TEX15: variants seen among roughly 807,000 people sequenced by gnomAD.
TEX15 encodes the protein testis-expressed protein 15.
A neutral mutation model predicts 237.3 loss-of-function variants in TEX15; 171 were observed. That is an observed-to-expected ratio of 0.72 (90% CI 0.64 to 0.82). The LOEUF is 0.82. TEX15 is among the 40% of genes least tolerant of loss of function. The pLI is 0.00. For missense variants in TEX15, 3,750 were observed against 3,646.5 expected, an observed-to-expected ratio of 1.03 and a Z score of -0.73; for synonymous variants, 1,338 against 1,269.8, an observed-to-expected ratio of 1.05 and a Z score of -1.14.
intron 3 of TEX15, among the ~76,000 whole-genome samples, chr8:30,875,791 A>G (rs1808388315): frequency 6.6e-6 from 1 of 151,434 alleles, no homozygotes; most frequent in Non-Finnish European, 1.5e-5. Flanking sequence ...GGGTTAAGTT[A>G]CTGTGGGCAT....
At chr8:30,884,277 G>A (rs1489136858) in intron 3 of TEX15, among the ~76,000 whole-genome samples, 1 of 152,194 alleles carries the variant, frequency 6.6e-6, no homozygotes, top group Non-Finnish European at 1.5e-5. Flanking sequence ...GTGATGTTGA[G>A]CTTTTCTTGG....
At position 30,849,186 on chromosome 8, in the gene TEX15, T is replaced by G. The variant is rs140274916; in HGVS notation, c.981A>C (p.Ala327=). ...PFVQENCLCN[A]LNSEINPFIS... is the part of the protein sequence containing the mutation. ...TGAAAGGATTTATCTCTGAATTTAG[T>G]GCATTGCATAAACAGTTTTCTTGAA... Residue 327 remains alanine, a synonymous_variant, in exon 8 of 11, where the codon GCA becomes GCC. Coordinates refer to ENST00000643185, the MANE Select transcript of TEX15 (RefSeq NM_001350162.2). 1,940 of 1,539,820 alleles carry G rather than the reference T, an allele frequency of 1.3e-3. 21 individuals are homozygous for G. The African/African-American group carries it at 0.022, about 17-fold the overall frequency.
intron 3 of TEX15, among the ~76,000 whole-genome samples, chr8:30,879,938 TA>T (rs35862520): frequency 0.018 from 2,176 of 117,692 alleles, 33 homozygotes; most frequent in African/African-American, 0.066. Flanking sequence ...TTTTTTTTTT[TA>T]AAAAAAAAAA....
intron 2 of TEX15, among the ~76,000 whole-genome samples, chr8:30,893,924 A>G (rs1202473103): frequency 2.0e-5 from 3 of 151,936 alleles, no homozygotes; most frequent in African/African-American, 4.8e-5. Context: ...TCTTTTACCT[A>G]TGTTCAAATT....
chr8:30,901,693 A>G (rs1003599214), intron 1 of TEX15, among the ~76,000 whole-genome samples: 6 of 152,252 alleles, frequency 3.9e-5, no homozygotes, highest in African/African-American at 1.2e-4. Context: ...TGAAGTAATC[A>G]GTGTGGTAAG....
rs529693712 is a variant in TEX15 at position 30,896,889 on chromosome 8, T to C, written c.-10+1853A>G. Among the ~76,000 whole-genome samples the C allele has an allele frequency of 3.9e-5, 6 of 152,082 alleles. No individual in the cohort carries two copies. The South Asian group carries it at 8.3e-4, about 21-fold the overall frequency. ...TGAAGACTCTAAGACTGAAAGCAAT[T>C]TTTTCCCCCAATGCAAAAAAGTCTA... On this transcript the variant is annotated intron_variant, in intron 2 of 10. Transcript: ENST00000643185.
chr8:30,901,443 T>C (rs1259528661), intron 1 of TEX15, among the ~76,000 whole-genome samples: 4 of 152,208 alleles, frequency 2.6e-5, no homozygotes, highest in Non-Finnish European at 5.9e-5. Flanking sequence ...AATCTCTGTT[T>C]AAGGAGATGC....
At chr8:30,889,954 C>CATATATATATATATATACGTATAT in intron 2 of TEX15, among the ~76,000 whole-genome samples, 4 of 110,056 alleles carry the variant, frequency 3.6e-5, no homozygotes, top group African/African-American at 1.8e-4. Context: ...TATATATATA[C>CATATATATATATATATACGTATAT]ATATATATAT....
At chr8:30,881,610 C>CTTTTTTTTTTTTTTTTTTTTTTTTTTT (rs1164594718) in intron 3 of TEX15, among the ~76,000 whole-genome samples, 2 of 109,460 alleles carry the variant, frequency 1.8e-5, no homozygotes, top group Non-Finnish European at 1.6e-5. Context: ...TCCATCTTGA[C>CTTTTTTTTTTTTTTTTTTTTTTTTTTT]TTTTTATTTT....
At chr8:30,833,551 T>G (rs530919306) in intron 10 of TEX15, among the ~76,000 whole-genome samples, 95 of 152,332 alleles carry the variant, frequency 6.2e-4, no homozygotes, top group Middle Eastern at 3.4e-3. Context: ...CTCTAAGCTA[T>G]CCTGTGAAAT....
Position 30,833,213 on chromosome 8 carries a change from G to T in TEX15, c.*73C>A, listed in dbSNP as rs1348930240. ...TTACAAACATTAAAAATCGCTAAAT[G>T]TTAAAAAATATATAAGTAAAAAATA... On this transcript the variant is annotated 3_prime_UTR_variant, in exon 11 of 11. Transcript: ENST00000643185. 12 of 1,033,926 alleles carry T rather than the reference G, an allele frequency of 1.2e-5. No homozygotes were observed. The highest frequency in any genetic ancestry group is 1.7e-5 in the Non-Finnish European group (12 of 710,314). 64.0% of individuals were successfully genotyped at this position (1,033,926 alleles called of 1,614,324 possible).
chr8:30,907,904 C>T (rs1243110259), intron 1 of TEX15, among the ~76,000 whole-genome samples: 3 of 151,608 alleles, frequency 2.0e-5, no homozygotes, highest in Non-Finnish European at 4.4e-5. Flanking sequence ...CATCACTGCA[C>T]TCCTGGGCAA....
intron 3 of TEX15, among the ~76,000 whole-genome samples, chr8:30,881,097 A>G (rs1020974860): frequency 3.9e-5 from 6 of 152,158 alleles, no homozygotes; most frequent in African/African-American, 7.2e-5. Flanking sequence ...GCAAGAGAAC[A>G]TTCACCTCTC....
intron 7 of TEX15, 46 bp from the exon 8 acceptor site, chr8:30,849,362 T>C (rs1030807496): frequency 1.8e-5 from 21 of 1,150,678 alleles, no homozygotes; most frequent in South Asian, 3.2e-5. Context: ...AGTGTTTCTA[T>C]AGACAACTAT....
intron 3 of TEX15, among the ~76,000 whole-genome samples, chr8:30,878,227 T>G (rs893245812): frequency 7.9e-5 from 12 of 151,914 alleles, no homozygotes; most frequent in Non-Finnish European, 1.8e-4. Flanking sequence ...AACCATTTAC[T>G]CATTAGAAAT....
At position 30,843,551 on chromosome 8, in the gene TEX15, C is replaced by T. The variant is rs1252993956; in HGVS notation, c.6616G>A (p.Glu2206Lys). Reference protein sequence around the residue: ...TCGVNFGDSLEDLEILRKSTL... With the variant: ...TCGVNFGDSLKDLEILRKSTL... The stretch of plus-strand genomic sequence containing the variant: ...CTTTTTCTTAAGATTTCCAGGTCTT[C>T]TAAACTATCTCCAAAGTTAACTCCA... Residue 2206 changes from glutamate (E) to lysine (K), a missense_variant, in exon 8 of 11, where the codon GAA (glutamate) becomes AAA (lysine). Coordinates refer to ENST00000643185, the MANE Select transcript of TEX15 (RefSeq NM_001350162.2). The T allele has an allele frequency of 2.5e-6, 4 of 1,613,036 alleles. No individual in the cohort carries two copies. Among genetic ancestry groups the T allele is most frequent in the Non-Finnish European group, 3.4e-6 (4 of 1,179,704 alleles).
chr8:30,847,286 C>T lies in TEX15; in HGVS notation c.2881G>A (p.Val961Ile), dbSNP rs1339484267. The change falls in exon 8 of 11, where the codon GTA (valine) becomes ATA (isoleucine). Residue 961 changes from valine (V) to isoleucine (I), a missense_variant. Physicochemically the swap from Val to Ile is conservative, Grantham distance 29 (BLOSUM62 3). Transcript: ENST00000643185. ...AATGTCGTGGAAGCCAAATGCTCTA[C>T]ACTTCTTCCAGTATTTTCAGTATCT... ...QKDTENTGRS[V>I]EHLASTTFPK... 6.2e-7 allele frequency: 1 copy of T among 1,613,994 alleles called. No homozygotes were observed. The highest frequency in any genetic ancestry group is 1.3e-5 in the African/African-American group (1 of 75,068).
At chr8:30,861,027 G>A (rs56187616) in intron 5 of TEX15, among the ~76,000 whole-genome samples, 1 of 150,632 alleles carries the variant, frequency 6.6e-6, no homozygotes, top group Non-Finnish European at 1.5e-5. Context: ...ACTACCACAA[G>A]AAAAAGCAGA....
At chr8:30,905,294 T>G (rs2128779781) in intron 1 of TEX15, among the ~76,000 whole-genome samples, 2 of 150,864 alleles carry the variant, frequency 1.3e-5, no homozygotes. Context: ...TAGGCAAAAG[T>G]TGAATATTAT....
Sources: allele counts gnomAD v4.1 joint callset (sites outside exome capture counted in the v4.1 genomes callset), GRCh38; gene constraint gnomAD v4.1.1; transcripts MANE v1.5; gene names NCBI Gene and HGNC (gene_info 2026-07-23, HGNC 2026-07-21).